TRDMT1: variants seen among roughly 807,000 people sequenced by gnomAD.
TRDMT1 encodes tRNA (cytosine(38)-C(5))-methyltransferase.
TRDMT1 carries 49 observed loss-of-function variants against 51.2 expected under a neutral mutation model. The observed-to-expected ratio is 0.96, with a 90% confidence interval of 0.76 to 1.21. TRDMT1 has a LOEUF of 1.21. Among genes scored for constraint, TRDMT1 ranks in the 50% most tolerant of loss-of-function variants. The pLI, the probability that TRDMT1 is intolerant of heterozygous loss-of-function variation, is 0.00. For missense variants in TRDMT1, 534 were observed against 462.3 expected (o/e 1.16, Z -1.42); for synonymous variants, 187 against 164.6 (o/e 1.14, Z -1.04).
At chr10:17,169,542 A>G (rs532224916) in intron 2 of TRDMT1, 71 of 1,289,604 alleles carry the variant, frequency 5.5e-5, no homozygotes, top group East Asian at 4.4e-4. Flanking sequence ...CTCCTTTTCT[A>G]TATCTCAGAA....
At position 17,145,768 on chromosome 10, in the gene TRDMT1, A is replaced by G; in HGVS notation, c.*3272T>C. 1.0e-6 allele frequency: 1 copy of G among 985,470 alleles called. No homozygotes were observed. The highest frequency in any genetic ancestry group is 1.7e-5 in the African/African-American group (1 of 57,382). 61.0% of individuals were successfully genotyped at this position (985,470 alleles called of 1,614,324 possible). ...GTTATCAAAGCAAAAGAGCAACCAG[A>G]GTGACTTTGGTTTGGATGCAGATGC... On this transcript the variant is annotated 3_prime_UTR_variant, in exon 11 of 11. Coordinates refer to ENST00000377799, the MANE Select transcript of TRDMT1 (RefSeq NM_004412.7).
rs77140981 is a variant in TRDMT1, at chr10:17,146,810, T to C, written c.*2230A>G. The C allele has an allele frequency of 2.6e-3, 2,533 of 985,386 alleles. 7 individuals carry two copies. The highest frequency in any genetic ancestry group is 2.9e-3 in the Non-Finnish European group (2,407 of 829,880). 61.0% of individuals were successfully genotyped at this position (985,386 alleles called of 1,614,324 possible). ...CCAAAAGCATATAGCAGACATTCCA[T>C]AAAATAACATTTTCCAAATTAATTA... On this transcript the variant is annotated 3_prime_UTR_variant, in exon 11 of 11. Transcript: ENST00000377799.
At position 17,149,085 on chromosome 10, in the gene TRDMT1, G is replaced by A. The variant is rs765766850; in HGVS notation, c.1131C>T (p.Leu377=). 1.2e-6 allele frequency: 2 copies of A among 1,611,564 alleles called. No individual in the cohort carries two copies. The highest frequency in any genetic ancestry group is 1.7e-6 in the Non-Finnish European group (2 of 1,179,170). The change falls in exon 11 of 11, where the codon CTC becomes CTT. Residue 377 remains leucine (L), a synonymous_variant. Coordinates refer to ENST00000377799, the MANE Select transcript of TRDMT1 (RefSeq NM_004412.7). ...KQRYRLLGNS[L]NVHVVAKLIK... The stretch of plus-strand genomic sequence containing the variant: ...TTAGTTTAGCTACTACATGCACGTT[G>A]AGACTATTTCCAAGTAGGCGATAAC...
chr10:17,158,448 T>C lies in TRDMT1; in HGVS notation c.544-664A>G, dbSNP rs546821495. 2.6e-5 allele frequency among the ~76,000 whole-genome samples: 4 copies of C among 152,270 alleles called. No individual in the cohort carries two copies. In the South Asian group the frequency reaches 8.3e-4, roughly 32 times the overall value. On this transcript the variant is annotated intron_variant, in intron 7 of 10. Coordinates refer to ENST00000377799, the MANE Select transcript of TRDMT1 (RefSeq NM_004412.7). ...AACTTTACATTGGAATTGGCTACTA[T>C]GGAAAGGGAGCAATATTAGTATCAT...
At chr10:17,190,774 T>C (rs1004035077) in intron 1 of TRDMT1, among the ~76,000 whole-genome samples, 2 of 152,360 alleles carry the variant, frequency 1.3e-5, no homozygotes, top group Admixed American at 6.5e-5. Flanking sequence ...TTTTCATTTG[T>C]TCATTCACGC....
At chr10:17,181,833 T>A (rs1843318337) in intron 1 of TRDMT1, among the ~76,000 whole-genome samples, 1 of 152,236 alleles carries the variant, frequency 6.6e-6, no homozygotes, top group East Asian at 1.9e-4. Flanking sequence ...CTACTGAGGA[T>A]ACAAAATGAG....
At chr10:17,153,406 C>G (rs1433205002) in intron 10 of TRDMT1, 101 bp downstream of exon 10, 18 of 1,367,598 alleles carry the variant, frequency 1.3e-5, no homozygotes, top group Non-Finnish European at 1.8e-5. Context: ...AAAGAGGTTT[C>G]TTGAGCCCAT....
chr10:17,185,913 G>A (rs893447426), intron 1 of TRDMT1, among the ~76,000 whole-genome samples: 40 of 151,992 alleles, frequency 2.6e-4, no homozygotes, highest in Admixed American at 6.6e-4. Flanking sequence ...TGTGGGGTGC[G>A]GGGAGGAAGG....
intron 1 of TRDMT1, among the ~76,000 whole-genome samples, chr10:17,187,898 G>A (rs1844156799): frequency 6.6e-6 from 1 of 151,938 alleles, no homozygotes; most frequent in Admixed American, 6.6e-5. Flanking sequence ...TAGATTTCTG[G>A]CCATTTTCAT....
rs200555603 is a variant in TRDMT1, at chr10:17,160,421, T to C, written c.390-47A>G. 13 of 1,301,026 alleles carry C rather than the reference T, an allele frequency of 1.0e-5. No individual in the cohort carries two copies. The East Asian group carries it at 3.3e-4, about 33-fold the overall frequency. 80.6% of individuals were successfully genotyped at this position (1,301,026 alleles called of 1,614,324 possible). A position where few individuals can be genotyped will look rare whatever the true frequency, so the allele number is the denominator to read the frequency against. ...TTTAATTCTTACTTGGAAAGGCAGT[T>C]CTTATTTAAATAATGTACACAAAAG... On this transcript the variant is annotated intron_variant, in intron 5 of 10. Coordinates refer to ENST00000377799, the MANE Select transcript of TRDMT1 (RefSeq NM_004412.7).
intron 1 of TRDMT1, among the ~76,000 whole-genome samples, chr10:17,187,311 A>G (rs987072756): frequency 2.0e-5 from 3 of 152,222 alleles, no homozygotes; most frequent in Non-Finnish European, 4.4e-5. Context: ...CTTCACTAGT[A>G]ATCAAAAATT....
At position 17,157,502 on chromosome 10, in the gene TRDMT1, A is replaced by G. The variant is rs1270827811; in HGVS notation, c.826T>C (p.Tyr276His). The change falls in exon 8 of 11, where the codon TAT becomes CAT. Residue 276 changes from tyrosine to histidine, a missense_variant. By Grantham distance (83) the Tyr-to-His change is moderately conservative. Transcript: ENST00000377799. Reference protein sequence around the residue: ...YLLPPKSLLRYALLLDIVQPT... With the variant: ...YLLPPKSLLRHALLLDIVQPT... ...TGAACAATGTCTAACAGAAGAGCAT[A>G]TCGCAGCAATGACTTTGGTGGTAAA... 6 of 1,613,970 alleles carry G rather than the reference A, an allele frequency of 3.7e-6. No individual in the cohort carries two copies. In the Admixed American group the frequency reaches 5.0e-5, roughly 13 times the overall value.
intron 10 of TRDMT1, among the ~76,000 whole-genome samples, chr10:17,152,620 C>T (rs1838899103): frequency 6.6e-6 from 1 of 152,202 alleles, no homozygotes; most frequent in African/African-American, 2.4e-5. Flanking sequence ...GTCTTCCTCC[C>T]AGCCCATCAG....
intron 1 of TRDMT1, among the ~76,000 whole-genome samples, chr10:17,177,110 T>C (rs1374316700): frequency 6.6e-6 from 1 of 151,902 alleles, no homozygotes; most frequent in East Asian, 1.9e-4. Context: ...ATTCAGGATT[T>C]CATATTTATT....
Position 17,146,818 on chromosome 10 carries a change from C to T in TRDMT1, c.*2222G>A. The T allele has an allele frequency of 1.0e-6, 1 of 985,302 alleles. No homozygotes were observed. Among genetic ancestry groups the T allele is most frequent in the Non-Finnish European group, 1.2e-6 (1 of 829,844 alleles). 61.0% of individuals were successfully genotyped at this position (985,302 alleles called of 1,614,324 possible). ...ATATAGCAGACATTCCATAAAATAA[C>T]ATTTTCCAAATTAATTATGCATACA... On this transcript the variant is annotated 3_prime_UTR_variant, in exon 11 of 11. Transcript: ENST00000377799.
intron 1 of TRDMT1, among the ~76,000 whole-genome samples, chr10:17,194,846 T>C (rs1406290232): frequency 1.4e-5 from 2 of 143,576 alleles, no homozygotes; most frequent in Non-Finnish European, 1.5e-5. Context: ...GGCAGGAGAA[T>C]AGCTTGAACC....
At chr10:17,158,215 G>C (rs1441489568) in intron 7 of TRDMT1, among the ~76,000 whole-genome samples, 3 of 151,800 alleles carry the variant, frequency 2.0e-5, no homozygotes, top group Non-Finnish European at 4.4e-5. Flanking sequence ...AGGAAAACTA[G>C]CAATTAAAAA....
In TRDMT1 at chr10:17,149,077, T is replaced by C. The variant is rs1352141534; in HGVS notation, c.1139A>G (p.His380Arg). The change falls in exon 11 of 11, where the codon CAT becomes CGT. Residue 380 changes from histidine (H) to arginine (R), a missense_variant. By Grantham distance (29) the His-to-Arg change is conservative (BLOSUM62 0). Coordinates refer to ENST00000377799, the MANE Select transcript of TRDMT1 (RefSeq NM_004412.7). The stretch of plus-strand genomic sequence containing the variant: ...GATTTTGATTAGTTTAGCTACTACA[T>C]GCACGTTGAGACTATTTCCAAGTAG... ...YRLLGNSLNV[H>R]VVAKLIKILY... 4 of 1,611,544 alleles carry C rather than the reference T, an allele frequency of 2.5e-6. No homozygotes were observed. In the South Asian group the frequency reaches 4.4e-5, roughly 18 times the overall value.
chr10:17,139,113 G>C lies in TRDMT1; in HGVS notation c.*9927C>G. 1.1e-6 allele frequency: 1 copy of C among 939,042 alleles called. No individual in the cohort carries two copies. Among genetic ancestry groups the C allele is most frequent in the Non-Finnish European group, 1.3e-6 (1 of 787,478 alleles). 58.2% of individuals were successfully genotyped at this position (939,042 alleles called of 1,614,324 possible). ...AATGGGGACTTCAGCAGCTCCATTG[G>C]ATTAATCCAAGCTTGGTTTCCAAGG... is the stretch of plus-strand genomic sequence containing the variant. On this transcript the variant is annotated 3_prime_UTR_variant, in exon 11 of 11. Coordinates refer to ENST00000377799, the MANE Select transcript of TRDMT1 (RefSeq NM_004412.7).
Sources: gnomAD v4.1 joint callset for allele counts (sites outside exome capture counted in the v4.1 genomes callset) on GRCh38, gnomAD v4.1.1 for gene constraint, MANE v1.5 for transcripts, NCBI Gene and HGNC (gene_info 2026-07-23, HGNC 2026-07-21) for gene names.